The following GARIN5A variants were observed in gnomAD, a reference collection of about 807,000 sequenced individuals.
The protein encoded by GARIN5A is Golgi-associated RAB2 interactor protein 5A.
the GARIN5A span, among the ~76,000 whole-genome samples, chr19:50,472,240 GTAT>G: frequency 5.3e-5 from 4 of 75,240 alleles, no homozygotes; most frequent in Non-Finnish European, 9.5e-5. Context: ...ATGTATGTGT[GTAT>G]TATATATACA....
the GARIN5A span, chr19:50,476,753 G>A: frequency 1.3e-6 from 1 of 773,542 alleles, no homozygotes; most frequent in Non-Finnish European, 1.9e-6. Context: ...AGGCTGCGCA[G>A]GGCTGAGAGG....
At chr19:50,467,870 C>A in the GARIN5A span, 2 of 1,596,194 alleles carry the variant, frequency 1.3e-6, no homozygotes, top group South Asian at 2.2e-5. Flanking sequence ...CTGACCCTGT[C>A]GGGTCCTCCA....
chr19:50,469,634 C>T, the GARIN5A span, among the ~76,000 whole-genome samples: 1 of 152,172 alleles, frequency 6.6e-6, no homozygotes, highest in Non-Finnish European at 1.5e-5. Context: ...TAAGGTCCAA[C>T]AGGGCAGAGC....
the GARIN5A span, among the ~76,000 whole-genome samples, chr19:50,468,465 TCACACG>T: frequency 1.3e-5 from 2 of 149,616 alleles, no homozygotes; most frequent in Non-Finnish European, 3.0e-5. Flanking sequence ...CCTCAGCCCC[TCACACG>T]CAGCCTACTC....
At chr19:50,476,389 C>G in the GARIN5A span, 2 of 1,554,080 alleles carry the variant, frequency 1.3e-6, no homozygotes, top group Non-Finnish European at 1.7e-6. Context: ...GCGGCCCCAT[C>G]CTGCTGACGT....
At chr19:50,467,530 C>T in the GARIN5A span, 1 of 1,438,020 alleles carries the variant, frequency 7.0e-7, no homozygotes. Flanking sequence ...CTCTGCTGCC[C>T]CACTGCGCTT....
the GARIN5A span, among the ~76,000 whole-genome samples, chr19:50,475,680 G>C: frequency 6.6e-6 from 1 of 152,136 alleles, no homozygotes; most frequent in Non-Finnish European, 1.5e-5. Flanking sequence ...AGAATCTAGA[G>C]AACTAGAAGT....
chr19:50,467,795 G>A, the GARIN5A span: 6 of 1,612,958 alleles, frequency 3.7e-6, no homozygotes, highest in Non-Finnish European at 1.7e-6. Flanking sequence ...CTTTTGTCGT[G>A]GACAAAGAGC....
chr19:50,475,702 G>T, the GARIN5A span: 1 of 724,784 alleles, frequency 1.4e-6, no homozygotes. Context: ...TGGGGTGTCA[G>T]AGATCACATA....
chr19:50,476,589 G>T, the GARIN5A span: 1 of 1,575,036 alleles, frequency 6.3e-7, no homozygotes. Flanking sequence ...TCCTGCTCTT[G>T]CTGATGGCGG....
the GARIN5A span, chr19:50,476,079 T>C: frequency 6.2e-7 from 1 of 1,610,056 alleles, no homozygotes; most frequent in Non-Finnish European, 8.5e-7. Context: ...CCCATCCTAC[T>C]TGGTTCCTTC....
chr19:50,471,274 GGTTT>G, the GARIN5A span, among the ~76,000 whole-genome samples: 2 of 151,142 alleles, frequency 1.3e-5, no homozygotes, highest in Non-Finnish European at 2.9e-5. Flanking sequence ...TTCTACTGCT[GGTTT>G]GTTTGTTTTG....
the GARIN5A span, among the ~76,000 whole-genome samples, chr19:50,470,770 T>G: frequency 1.3e-5 from 2 of 148,458 alleles, no homozygotes; most frequent in Admixed American, 1.4e-4. Context: ...TTCTCCTGCC[T>G]CAGCCTCCCG....
chr19:50,475,956 C>G, the GARIN5A span: 1 of 1,610,614 alleles, frequency 6.2e-7, no homozygotes, highest in Non-Finnish European at 8.5e-7. Flanking sequence ...GGCATTTTAC[C>G]AGGACGAAGT....
At chr19:50,472,003 T>C in the GARIN5A span, among the ~76,000 whole-genome samples, 1 of 150,794 alleles carries the variant, frequency 6.6e-6, no homozygotes, top group Non-Finnish European at 1.5e-5. Context: ...TATACGTGTA[T>C]GTATATATAC....
the GARIN5A span, among the ~76,000 whole-genome samples, chr19:50,474,758 A>G: frequency 6.6e-6 from 1 of 152,126 alleles, no homozygotes; most frequent in Non-Finnish European, 1.5e-5. Context: ...AAGTGCTGGG[A>G]TTACAGGTGT....
chr19:50,472,191 T>TGTATATGTATGTATAC, the GARIN5A span, among the ~76,000 whole-genome samples: 4,898 of 144,408 alleles, frequency 0.034, 594 homozygotes, highest in African/African-American at 0.13. Context: ...TGTATACATG[T>TGTATATGTATGTATAC]ATGTGTGCAT....
At chr19:50,471,057 T>C in the GARIN5A span, among the ~76,000 whole-genome samples, 3 of 152,152 alleles carry the variant, frequency 2.0e-5, no homozygotes, top group Non-Finnish European at 4.4e-5. Context: ...CTGGACCTGC[T>C]GGGCTCAAGC....
At chr19:50,467,673 G>A in the GARIN5A span, 1 of 1,584,812 alleles carries the variant, frequency 6.3e-7, no homozygotes, top group South Asian at 1.1e-5. Context: ...AGCGCAGGCG[G>A]TAGAGCAGCC....
Sources: allele counts gnomAD v4.1 joint callset (sites outside exome capture counted in the v4.1 genomes callset), GRCh38; gene constraint gnomAD v4.1.1; transcripts MANE v1.5; gene names NCBI Gene and HGNC (gene_info 2026-07-23, HGNC 2026-07-21).